Variants in FAM120A observed in about 807,000 individuals in gnomAD.
The protein encoded by FAM120A is constitutive coactivator of PPAR-gamma-like protein 1.
A neutral mutation model predicts 109.7 loss-of-function variants in FAM120A; 15 were observed. That is an observed-to-expected ratio of 0.14 (90% CI 0.09 to 0.21). The LOEUF is 0.21. FAM120A is among the 10% of genes least tolerant of loss of function. FAM120A has a pLI of 1.00. For synonymous variants in FAM120A, 493 were observed against 572.8 expected (o/e 0.86, Z 1.99); for missense variants, 899 against 1,439.3 (o/e 0.62, Z 6.07).
At chr9:93,496,921 G>A (rs1859601669) in intron 3 of FAM120A, among the ~76,000 whole-genome samples, 1 of 152,162 alleles carries the variant, frequency 6.6e-6, no homozygotes, top group South Asian at 2.1e-4. Flanking sequence ...CCCTCAACAG[G>A]CAGTGATACC....
At chr9:93,541,775 C>T (rs1016268737) in intron 10 of FAM120A, among the ~76,000 whole-genome samples, 23 of 152,312 alleles carry the variant, frequency 1.5e-4, no homozygotes, top group African/African-American at 5.5e-4. Flanking sequence ...GGAGTTGGCT[C>T]CAGAAGGGCT....
chr9:93,534,531 G>T (rs890796099), intron 10 of FAM120A, among the ~76,000 whole-genome samples: 2 of 152,160 alleles, frequency 1.3e-5, no homozygotes, highest in Admixed American at 6.5e-5. Flanking sequence ...GCAGCAGGTG[G>T]CACTGGGTCT....
intron 15 of FAM120A, 38 bp from the exon 16 acceptor site, chr9:93,561,071 T>C (rs780036950): frequency 1.2e-6 from 2 of 1,606,080 alleles, no homozygotes; most frequent in East Asian, 4.5e-5. Flanking sequence ...AATTCTGTGA[T>C]TGTAAAGATT....
Position 93,516,118 on chromosome 9 carries a change from C to T in FAM120A, c.1267C>T (p.His423Tyr). 1 of 1,613,768 alleles carries T rather than the reference C, an allele frequency of 6.2e-7. No individual in the cohort carries two copies. Among genetic ancestry groups the T allele is most frequent in the South Asian group, 1.1e-5 (1 of 91,080 alleles). The change falls in exon 7 of 18, where the codon CAC becomes TAC. Residue 423 changes from histidine (H) to tyrosine (Y), a missense_variant. His to Tyr is a moderately conservative substitution (Grantham distance 83). This residue lies in a region of FAM120A where 30 missense variants were observed against 32.5 expected (regional missense o/e 0.92). Coordinates refer to ENST00000277165, the MANE Select transcript of FAM120A (RefSeq NM_014612.5). ...GCAGAACAGCTACAGCAACATTCCT[C>T]ACGAAGGGAAGCACACGCCGCTGTA... is the stretch of plus-strand genomic sequence containing the variant. ...TEQNSYSNIP[H>Y]EGKHTPLYER...
At chr9:93,543,534 G>C in intron 11 of FAM120A, 63 bp downstream of exon 11, 1 of 1,559,372 alleles carries the variant, frequency 6.4e-7, no homozygotes, top group Non-Finnish European at 8.7e-7. Flanking sequence ...CATGACCATG[G>C]TGTCAGATGA....
chr9:93,488,409 C>G (rs779530619), intron 3 of FAM120A, among the ~76,000 whole-genome samples: 1 of 152,036 alleles, frequency 6.6e-6, no homozygotes, highest in Non-Finnish European at 1.5e-5. Context: ...GCTTGGCTTT[C>G]CACATGTCAG....
rs534501320 is a variant in FAM120A, at chr9:93,500,657, A to C, written c.1030+1771A>C. ...TTTAAATCAAGAGAGTGAAGTGGTG[A>C]GATGTGTTTTAGGATTATTTTTGGA... is the stretch of plus-strand genomic sequence containing the variant. On this transcript the variant is annotated intron_variant, in intron 5 of 17. Transcript: ENST00000277165. This position sits in a 1 kb window ranked among gnomAD's most constrained non-coding sequence, Gnocchi z 4.6. Among the ~76,000 whole-genome samples the C allele has an allele frequency of 6.6e-6, 1 of 152,168 alleles. No individual in the cohort carries two copies. The highest frequency in any genetic ancestry group is 6.5e-5 in the Admixed American group (1 of 15,276).
In FAM120A at chr9:93,535,818, T is replaced by C. The variant is rs141736355; in HGVS notation, c.1909+3489T>C. Among the ~76,000 whole-genome samples the C allele has an allele frequency of 6.0e-3, 917 of 152,358 alleles. 5 individuals carry two copies. The highest frequency in any genetic ancestry group is 0.01 in the Admixed American group (158 of 15,312). ...TCTTGTGATTGTTAAGTCTCAATGC[T>C]CTCAACTTGCTCAAAACCAACCTTG... On this transcript the variant is annotated intron_variant, in intron 10 of 17. Transcript: ENST00000277165.
chr9:93,554,120 T>TACACACAG (rs1554786170), intron 12 of FAM120A, among the ~76,000 whole-genome samples: 8 of 87,402 alleles, frequency 9.2e-5, no homozygotes, highest in African/African-American at 3.2e-4. Context: ...GGCCATTTGA[T>TACACACAG]ACACACACAC....
intron 2 of FAM120A, among the ~76,000 whole-genome samples, chr9:93,473,441 G>A (rs78057688): frequency 0.12 from 17,678 of 151,934 alleles, 2,188 homozygotes; most frequent in African/African-American, 0.31. Context: ...AAGTAGTTGG[G>A]ACTACAGGTG....
chr9:93,521,013 T>G (rs769289501), intron 7 of FAM120A, among the ~76,000 whole-genome samples: 152 of 152,248 alleles, frequency 1.0e-3, no homozygotes, highest in Non-Finnish European at 6.3e-4. Flanking sequence ...CCTGTGCTGT[T>G]GGAATGGACG....
chr9:93,556,597 C>T lies in FAM120A; in HGVS notation c.2484+6C>T. On this transcript the variant is annotated splice_donor_region_variant and intron_variant, in intron 13 of 17. Coordinates refer to ENST00000277165, the MANE Select transcript of FAM120A (RefSeq NM_014612.5). ...TTGACCTCTGTGATGGTCAGGTATG[C>T]TGCGGGGCCGGGTGGCTGCCTTTAA... 2 of 1,613,798 alleles carry T rather than the reference C, an allele frequency of 1.2e-6. No homozygotes were observed. The highest frequency in any genetic ancestry group is 1.7e-6 in the Non-Finnish European group (2 of 1,179,644).
chr9:93,518,596 G>T (rs936468438), intron 7 of FAM120A, among the ~76,000 whole-genome samples: 2 of 152,214 alleles, frequency 1.3e-5, no homozygotes, highest in East Asian at 1.9e-4. Context: ...AGGTCTGTGC[G>T]CAGAGCTTGC....
chr9:93,565,407 T>C lies in FAM120A; in HGVS notation c.*867T>C, dbSNP rs1371265219. ...ATGTTATCGTCCTTTCTTCCATTCT[T>C]AACAGTATGTGCCCATTTGCAAAAC... is the stretch of plus-strand genomic sequence containing the variant. On this transcript the variant is annotated 3_prime_UTR_variant, in exon 18 of 18. Transcript: ENST00000277165. 1.8e-4 allele frequency: 27 copies of C among 152,652 alleles called. No individual in the cohort carries two copies. Among genetic ancestry groups the C allele is most frequent in the Non-Finnish European group, 2.5e-4 (17 of 68,030 alleles). 9.5% of individuals were successfully genotyped at this position (152,652 alleles called of 1,614,324 possible). A position where few individuals can be genotyped will look rare whatever the true frequency, so the allele number is the denominator to read the frequency against.
chr9:93,523,367 G>T (rs772929145), intron 7 of FAM120A: 223 of 1,272,756 alleles, frequency 1.8e-4, no homozygotes, highest in Non-Finnish European at 1.7e-4. Flanking sequence ...GGCATGGGTA[G>T]GTAGGCCTGG....
chr9:93,452,836 G>T lies in FAM120A; in HGVS notation c.474+447G>T. On this transcript the variant is annotated intron_variant, in intron 1 of 17. Coordinates refer to ENST00000277165, the MANE Select transcript of FAM120A (RefSeq NM_014612.5). This position sits in a 1 kb window ranked among gnomAD's most constrained non-coding sequence, Gnocchi z 7.0. ...GCAGGCAGGATACAGAGTAATAGAG[G>T]GGGTTTCGCCAGAGCCCTTGGGGGC... is the stretch of plus-strand genomic sequence containing the variant. 1 of 1,533,184 alleles carries T rather than the reference G, an allele frequency of 6.5e-7. No homozygotes were observed. 95.0% of individuals were successfully genotyped at this position (1,533,184 alleles called of 1,614,324 possible).
chr9:93,512,823 GA>G (rs1860392216), intron 5 of FAM120A, among the ~76,000 whole-genome samples: 3 of 152,338 alleles, frequency 2.0e-5, no homozygotes, highest in African/African-American at 7.2e-5. Flanking sequence ...TGCTTTAATA[GA>G]ATAGTGGCTT....
At chr9:93,479,870 C>T (rs1858721163) in intron 3 of FAM120A, among the ~76,000 whole-genome samples, 1 of 152,224 alleles carries the variant, frequency 6.6e-6, no homozygotes, top group South Asian at 2.1e-4. Flanking sequence ...TGACTGTCCA[C>T]AGCCCTGGTT....
chr9:93,470,233 A>T (rs1858248268), intron 1 of FAM120A, among the ~76,000 whole-genome samples: 1 of 152,156 alleles, frequency 6.6e-6, no homozygotes, highest in African/African-American at 2.4e-5. Flanking sequence ...GAAACGAAAA[A>T]CCTGCCAGAA....
Sources: gnomAD v4.1 joint callset for allele counts (sites outside exome capture counted in the v4.1 genomes callset) on GRCh38, gnomAD v4.1.1 for gene constraint, gnomAD v4.1.1 regional missense constraint, Gnocchi (gnomAD v3.1) non-coding constraint, MANE v1.5 for transcripts, NCBI Gene and HGNC (gene_info 2026-07-23, HGNC 2026-07-21) for gene names.